Variants in CCNH observed in about 807,000 individuals in gnomAD.
CCNH encodes the protein cyclin-H.
CCNH carries 31 observed loss-of-function variants against 41.9 expected under a neutral mutation model. That is an observed-to-expected ratio of 0.74 (90% CI 0.56 to 1.00). The LOEUF is 1.00. Ranked by LOEUF, CCNH falls within the 50% of genes least tolerant of loss-of-function variation. The pLI, the probability that CCNH is intolerant of heterozygous loss-of-function variation, is 0.00. For missense variants in CCNH, 362 were observed against 388.4 expected (o/e 0.93, Z 0.57); for synonymous variants, 138 against 136.1 (o/e 1.01, Z -0.10).
At chr5:87,371,535 A>T (rs1760939373), downstream of CCNH, among the ~76,000 whole-genome samples, 1 of 152,176 alleles carries the variant, frequency 6.6e-6, no homozygotes, top group Non-Finnish European at 1.5e-5. Context: ...CTGCAATTTG[A>T]TTTGAATATT....
rs1356089893 is a variant in CCNH at position 87,341,292 on chromosome 5, C to T, written c.*91-22395G>A. 2 of 1,345,938 alleles carry T rather than the reference C, an allele frequency of 1.5e-6. No homozygotes were observed. Among genetic ancestry groups the T allele is most frequent in the Non-Finnish European group, 1.9e-6 (2 of 1,040,238 alleles). 83.4% of individuals were successfully genotyped at this position (1,345,938 alleles called of 1,614,324 possible). ...CTGTCTTAATGTCTTCCCTTTAGGG[C>T]CGGGAAGAAGATCCACATGAAGGAA... is the stretch of plus-strand genomic sequence containing the variant. On this transcript the variant is annotated intron_variant and NMD_transcript_variant, in intron 9 of 9. Transcript: ENST00000645953.
intron 9 of CCNH, among the ~76,000 whole-genome samples, chr5:87,325,891 C>G (rs766699326): frequency 7.9e-5 from 12 of 152,100 alleles, no homozygotes; most frequent in Admixed American, 6.6e-4. Context: ...TTTCTCTGAT[C>G]AAGTGAGACA....
At chr5:87,339,262 A>G (rs539650214) in intron 9 of CCNH, among the ~76,000 whole-genome samples, 95 of 152,286 alleles carry the variant, frequency 6.2e-4, no homozygotes, top group African/African-American at 2.3e-3. Context: ...AGAGGTGGGA[A>G]AAGTTGAGGA....
At chr5:87,332,289 A>G (rs1489010120) in intron 9 of CCNH, among the ~76,000 whole-genome samples, 1 of 152,114 alleles carries the variant, frequency 6.6e-6, no homozygotes, top group Non-Finnish European at 1.5e-5. Flanking sequence ...TATAAGCCTG[A>G]TATGTATTTC....
At chr5:87,379,042 T>A (rs1761525572), upstream of CCNH, among the ~76,000 whole-genome samples, 1 of 152,164 alleles carries the variant, frequency 6.6e-6, no homozygotes, top group Admixed American at 6.6e-5. Context: ...ACACACATAT[T>A]CTCTCATTTT....
rs1309438430 is a variant in CCNH at position 87,349,409 on chromosome 5, G to T, written c.*91-30512C>A. 3 of 1,597,034 alleles carry T rather than the reference G, an allele frequency of 1.9e-6. No individual in the cohort carries two copies. The Admixed American group carries it at 5.0e-5, about 27-fold the overall frequency. ...CTATCTTTTACTTTTCGCAAAAATA[G>T]TTGAAATCTTGATAATACAGTATTC... On this transcript the variant is annotated intron_variant and NMD_transcript_variant, in intron 9 of 9. Coordinates refer to the CCNH transcript ENST00000645953.
upstream of CCNH, chr5:87,379,677 A>C: frequency 6.3e-7 from 1 of 1,593,022 alleles, no homozygotes; most frequent in Non-Finnish European, 8.6e-7. Flanking sequence ...GTTTTCCTCT[A>C]TTCATTTGCA....
intron 9 of CCNH, among the ~76,000 whole-genome samples, chr5:87,348,177 G>GT (rs1758997712): frequency 6.6e-6 from 1 of 151,858 alleles, no homozygotes; most frequent in Admixed American, 6.6e-5. Flanking sequence ...TAATTTTTAT[G>GT]TTTACTTATG....
At chr5:87,391,290 T>C (rs1221758381), downstream of CCNH, 1 of 373,130 alleles carries the variant, frequency 2.7e-6, no homozygotes, top group East Asian at 4.3e-5. Flanking sequence ...TTATTGACAA[T>C]TGTGTATAAC....
At chr5:87,353,383 G>C in intron 9 of CCNH, 1 of 727,796 alleles carries the variant, frequency 1.4e-6, no homozygotes, top group Non-Finnish European at 2.3e-6. Context: ...TCAACTGTAA[G>C]AATCTTTTAG....
At chr5:87,325,998 G>GTC (rs1281293792) in intron 9 of CCNH, among the ~76,000 whole-genome samples, 1 of 151,966 alleles carries the variant, frequency 6.6e-6, no homozygotes, top group Non-Finnish European at 1.5e-5. Flanking sequence ...CTGTGACAGG[G>GTC]TCTCTCTCTG....
intron 9 of CCNH, among the ~76,000 whole-genome samples, chr5:87,370,755 C>T (rs1055671097): frequency 5.9e-5 from 9 of 152,074 alleles, no homozygotes; most frequent in East Asian, 1.9e-4. Flanking sequence ...TATATTCTAA[C>T]GAAGGAACTT....
At chr5:87,396,680 CA>C (rs776807566) in intron 7 of CCNH, among the ~76,000 whole-genome samples, 15 of 151,934 alleles carry the variant, frequency 9.9e-5, no homozygotes, top group Non-Finnish European at 1.3e-4. Context: ...ATAAGCAATA[CA>C]GATGAAATAT....
Position 87,408,129 on chromosome 5 carries a change from C to A in CCNH, c.372G>T (p.Gln124His), listed in dbSNP as rs992035611. The change falls in exon 4 of 9, where the codon CAG becomes CAT. Residue 124 changes from glutamine to histidine, a missense_variant. Coordinates refer to ENST00000256897, the MANE Select transcript of CCNH (RefSeq NM_001239.4). ...KVDEFNVSSP[Q>H]FVGNLRESPL... is the part of the protein sequence containing the mutation. ...GACTCTCCCGGAGGTTTCCAACAAACTGAGGACTAGATACATTGAATTCAT... is the reference window on the plus strand; with the variant it reads ...GACTCTCCCGGAGGTTTCCAACAAAATGAGGACTAGATACATTGAATTCAT... The A allele has an allele frequency of 1.2e-6, 2 of 1,611,048 alleles. No individual in the cohort carries two copies. Among genetic ancestry groups the A allele is most frequent in the Non-Finnish European group, 1.7e-6 (2 of 1,178,492 alleles).
chr5:87,333,617 A>G (rs746799720), intron 9 of CCNH, among the ~76,000 whole-genome samples: 1 of 152,200 alleles, frequency 6.6e-6, no homozygotes, highest in African/African-American at 2.4e-5. Context: ...TTCAATCTAT[A>G]TGCTATGTAA....
intron 5 of CCNH, among the ~76,000 whole-genome samples, chr5:87,402,952 A>AT (rs1220746876): frequency 1.3e-5 from 2 of 152,190 alleles, no homozygotes; most frequent in African/African-American, 4.8e-5. Flanking sequence ...AACTTATAAT[A>AT]TTGTGGTGTT....
At chr5:87,349,531 T>G (rs1011312012) in intron 9 of CCNH, among the ~76,000 whole-genome samples, 1 of 151,946 alleles carries the variant, frequency 6.6e-6, no homozygotes, top group Non-Finnish European at 1.5e-5. Context: ...TTAGACAGTG[T>G]CAAATATGAA....
downstream of CCNH, chr5:87,390,755 T>G: frequency 2.0e-6 from 3 of 1,520,738 alleles, no homozygotes; most frequent in African/African-American, 1.4e-5. Flanking sequence ...CTGAAATTGC[T>G]GACCGAGCTT....
chr5:87,379,725 C>T (rs1231263222), upstream of CCNH: 1 of 1,610,750 alleles, frequency 6.2e-7, no homozygotes, highest in Non-Finnish European at 8.5e-7. Flanking sequence ...TGATTTATTC[C>T]TTCTTTTAGT....
Sources: gnomAD v4.1 joint callset for allele counts (sites outside exome capture counted in the v4.1 genomes callset) on GRCh38, gnomAD v4.1.1 for gene constraint, MANE v1.5 for transcripts, NCBI Gene and HGNC (gene_info 2026-07-23, HGNC 2026-07-21) for gene names.